AKAP9: variants seen among roughly 807,000 people sequenced by gnomAD.
The protein encoded by AKAP9 is A-kinase anchoring protein 9.
Under a neutral mutation model 488.5 loss-of-function variants are expected in AKAP9, and 311 were observed. That is an observed-to-expected ratio of 0.64 (90% confidence interval 0.58 to 0.70). The LOEUF (loss-of-function observed/expected upper bound fraction) is 0.70, where lower values mean the gene tolerates loss of function less well. Among genes scored for constraint, AKAP9 ranks in the 30% least tolerant of loss-of-function variants. The pLI is 0.00. For missense variants in AKAP9, 4,215 were observed against 4,374.5 expected, an observed-to-expected ratio of 0.96 and a Z score of 1.03; for synonymous variants, 1,462 against 1,483.5, an observed-to-expected ratio of 0.99 and a Z score of 0.33.
chr7:91,987,515 G>A (rs1797254119), intron 3 of AKAP9, among the ~76,000 whole-genome samples: 1 of 152,136 alleles, frequency 6.6e-6, no homozygotes, highest in African/African-American at 2.4e-5. Context: ...TGTGTGTTAT[G>A]TATGGATTCA....
At chr7:91,968,682 GT>G (rs1425001562) in intron 1 of AKAP9, among the ~76,000 whole-genome samples, 16 of 152,182 alleles carry the variant, frequency 1.1e-4, no homozygotes, top group African/African-American at 3.9e-4. Flanking sequence ...GCAGTGCGTT[GT>G]TTGGTTGTTT....
At chr7:91,949,834 T>C (rs1027629653) in intron 1 of AKAP9, among the ~76,000 whole-genome samples, 30 of 152,344 alleles carry the variant, frequency 2.0e-4, no homozygotes, top group African/African-American at 7.2e-4. Flanking sequence ...TTTTCCTCCT[T>C]GTTCACTAAC....
At chr7:92,035,734 T>G (rs1805085894) in intron 16 of AKAP9, among the ~76,000 whole-genome samples, 1 of 152,206 alleles carries the variant, frequency 6.6e-6, no homozygotes, top group South Asian at 2.1e-4. Flanking sequence ...CTAGCCATTG[T>G]TTACTCTTCA....
At chr7:92,065,499 G>T (rs1210989075) in intron 25 of AKAP9, 36 bp downstream of exon 25, 4 of 1,446,630 alleles carry the variant, frequency 2.8e-6, no homozygotes, top group Non-Finnish European at 3.9e-6. Context: ...ATTTTTCTCA[G>T]TGGAATGTTC....
intron 42 of AKAP9, 110 bp downstream of exon 42, chr7:92,097,904 G>A: frequency 9.1e-7 from 1 of 1,104,530 alleles, no homozygotes; most frequent in East Asian, 2.4e-5. Context: ...TAAAGGTAAT[G>A]CGTGTTTACA....
chr7:92,001,860 A>T lies in AKAP9; in HGVS notation c.1943A>T (p.His648Leu), dbSNP rs1799221525. The T allele has an allele frequency of 1.2e-6, 2 of 1,613,370 alleles. No individual in the cohort carries two copies. The highest frequency in any genetic ancestry group is 1.7e-6 in the Non-Finnish European group (2 of 1,179,530). The stretch of plus-strand genomic sequence containing the variant: ...CTGAAGGAAGATTTAGAAATTGAAC[A>T]TCGAATAAATATTGAAAAACTTAAA... ...SKLKEDLEIE[H>L]RINIEKLKDN... Residue 648 changes from histidine (H) to leucine (L), a missense_variant, in exon 8 of 50, where the codon CAT becomes CTT. Physicochemically the swap from His to Leu is moderately conservative, Grantham distance 99 (BLOSUM62 -3). Transcript: ENST00000356239.
chr7:92,059,957 T>C (rs1000918944), intron 22 of AKAP9, among the ~76,000 whole-genome samples: 1 of 151,918 alleles, frequency 6.6e-6, no homozygotes, highest in African/African-American at 2.4e-5. Context: ...GTATGATTAA[T>C]TTTCTATTAT....
At chr7:91,958,293 G>A (rs1793303196) in intron 1 of AKAP9, among the ~76,000 whole-genome samples, 1 of 152,182 alleles carries the variant, frequency 6.6e-6, no homozygotes, top group African/African-American at 2.4e-5. Flanking sequence ...ATGGTAAACT[G>A]GCATGCATTT....
chr7:91,976,360 T>C (rs1167812903), intron 2 of AKAP9, among the ~76,000 whole-genome samples: 1 of 152,184 alleles, frequency 6.6e-6, no homozygotes, highest in African/African-American at 2.4e-5. Context: ...TAGCTGGGAC[T>C]ACAGGCCCAT....
At chr7:92,077,535 A>G (rs1812811527) in intron 29 of AKAP9, among the ~76,000 whole-genome samples, 161 bp from the exon 30 acceptor site, 1 of 152,150 alleles carries the variant, frequency 6.6e-6, no homozygotes, top group Non-Finnish European at 1.5e-5. Flanking sequence ...AAATTTTGGG[A>G]TCATTTATCA....
intron 1 of AKAP9, among the ~76,000 whole-genome samples, chr7:91,957,571 T>C (rs1355402286): frequency 6.6e-6 from 1 of 152,204 alleles, no homozygotes; most frequent in African/African-American, 2.4e-5. Context: ...GTTTGAAATG[T>C]ATCATAAACA....
In AKAP9 at chr7:91,998,418, C is replaced by CTTTTT. The variant is rs60778133; in HGVS notation, c.931-2397_931-2393dup. Among the ~76,000 whole-genome samples, 60 of 53,992 alleles carry CTTTTT rather than the reference C, an allele frequency of 1.1e-3. 16 individuals are homozygous for CTTTTT. Among genetic ancestry groups the CTTTTT allele is most frequent in the Non-Finnish European group, 2.0e-3 (50 of 25,222 alleles). 35.4% of individuals were successfully genotyped at this position (53,992 alleles called of 152,430 possible). The stretch of plus-strand genomic sequence containing the variant: ...AGATAGTGTATTCAACCACAGGGCT[C>CTTTTT]TTTTTTTTTTTTTTTTTTTTTTTTT... On this transcript the variant is annotated intron_variant, in intron 7 of 49. Transcript: ENST00000356239.
intron 15 of AKAP9, among the ~76,000 whole-genome samples, chr7:92,030,918 C>G (rs1804131340): frequency 6.6e-6 from 1 of 152,182 alleles, no homozygotes; most frequent in South Asian, 2.1e-4. Context: ...AAAGTAAGAT[C>G]ATCGTTCTTC....
At chr7:92,015,729 T>G (rs184196155) in intron 10 of AKAP9, among the ~76,000 whole-genome samples, 1 of 152,294 alleles carries the variant, frequency 6.6e-6, no homozygotes, top group Non-Finnish European at 1.5e-5. Context: ...CTTTAGAATT[T>G]ATAGATTTCT....
At chr7:92,095,943 C>T (rs74804907) in intron 40 of AKAP9, among the ~76,000 whole-genome samples, 1,627 of 152,218 alleles carry the variant, frequency 0.011, 25 homozygotes, top group African/African-American at 0.037. Context: ...ACCTTGCTTT[C>T]GTTATAAGCC....
chr7:91,965,501 G>A (rs901700949), intron 1 of AKAP9, among the ~76,000 whole-genome samples: 25 of 152,176 alleles, frequency 1.6e-4, no homozygotes, highest in African/African-American at 6.0e-4. Context: ...ACATGGGAAT[G>A]CAGCTATCTC....
chr7:91,976,104 G>A (rs576729425), intron 2 of AKAP9, among the ~76,000 whole-genome samples: 1 of 152,014 alleles, frequency 6.6e-6, no homozygotes, highest in South Asian at 2.1e-4. Context: ...TGTATTTTTA[G>A]TAGAGATGGG....
chr7:92,049,718 C>T (rs2130799145), intron 21 of AKAP9, among the ~76,000 whole-genome samples: 1 of 151,992 alleles, frequency 6.6e-6, no homozygotes, highest in African/African-American at 2.4e-5. Context: ...TTTCTTGGAA[C>T]ATATTCAGAT....
intron 3 of AKAP9, among the ~76,000 whole-genome samples, chr7:91,987,419 CG>C (rs1562939007): frequency 2.1e-5 from 3 of 145,300 alleles, no homozygotes; most frequent in African/African-American, 7.7e-5. Context: ...AATTCTATCT[CG>C]AAAAAAAAAA....
Sources: gnomAD v4.1 joint callset for allele counts (sites outside exome capture counted in the v4.1 genomes callset) on GRCh38, gnomAD v4.1.1 for gene constraint, MANE v1.5 for transcripts, NCBI Gene and HGNC (gene_info 2026-07-23, HGNC 2026-07-21) for gene names.